KLHL1: variants seen among roughly 807,000 people sequenced by gnomAD.
KLHL1 encodes the protein kelch like family member 1.
KLHL1 carries 47 observed loss-of-function variants against 77.7 expected under a neutral mutation model. The ratio of observed to expected loss-of-function variants is 0.60; its 90% confidence interval spans 0.48 to 0.77. KLHL1 has a LOEUF of 0.77. Ranked by LOEUF, KLHL1 falls within the 30% of genes least tolerant of loss-of-function variation. The pLI is 0.00. For missense variants in KLHL1, 925 were observed against 910.8 expected (o/e 1.02, Z -0.20); for synonymous variants, 360 against 325.2 (o/e 1.11, Z -1.15).
intron 4 of KLHL1, among the ~76,000 whole-genome samples, chr13:69,918,134 G>T (rs1381541817): frequency 6.6e-6 from 1 of 151,890 alleles, no homozygotes; most frequent in Non-Finnish European, 1.5e-5. Context: ...AACCTAATAG[G>T]ACAAAAGCAG....
At chr13:70,018,629 C>T (rs1457974316) in intron 1 of KLHL1, among the ~76,000 whole-genome samples, 1 of 152,068 alleles carries the variant, frequency 6.6e-6, no homozygotes, top group Non-Finnish European at 1.5e-5. Context: ...GAAAAATACA[C>T]TTAGTGCAGT....
chr13:70,012,037 C>T (rs971296695), intron 1 of KLHL1, among the ~76,000 whole-genome samples: 1 of 152,040 alleles, frequency 6.6e-6, no homozygotes, highest in African/African-American at 2.4e-5. Flanking sequence ...ACCATCAGAT[C>T]TCATGAGACC....
At chr13:70,085,237 A>G (rs1887507013) in intron 1 of KLHL1, among the ~76,000 whole-genome samples, 1 of 152,156 alleles carries the variant, frequency 6.6e-6, no homozygotes. Flanking sequence ...GAGAGAGAGA[A>G]CGGGAAGTGA....
chr13:69,851,340 G>T (rs543714406), intron 5 of KLHL1, among the ~76,000 whole-genome samples: 62 of 151,878 alleles, frequency 4.1e-4, no homozygotes, highest in African/African-American at 1.4e-3. Context: ...GGGCAACACA[G>T]ACTATAGGAA....
intron 8 of KLHL1, 63 bp from the exon 9 acceptor site, chr13:69,719,644 G>A: frequency 7.6e-7 from 1 of 1,310,784 alleles, no homozygotes; most frequent in Non-Finnish European, 1.1e-6. Flanking sequence ...ATATAGAAAA[G>A]GTCCTTTAAA....
chr13:70,064,155 A>G (rs1886954200), intron 1 of KLHL1, among the ~76,000 whole-genome samples: 1 of 152,196 alleles, frequency 6.6e-6, no homozygotes, highest in Admixed American at 6.5e-5. Flanking sequence ...AACAGAATGA[A>G]CAAAGCAACA....
At chr13:69,957,847 C>A (rs186733971) in intron 3 of KLHL1, among the ~76,000 whole-genome samples, 42 of 151,888 alleles carry the variant, frequency 2.8e-4, no homozygotes, top group Middle Eastern at 3.4e-3. Context: ...ATTGCTTATA[C>A]TGCTAATTAA....
At chr13:69,959,883 C>T (rs1339691098) in intron 3 of KLHL1, among the ~76,000 whole-genome samples, 1 of 151,910 alleles carries the variant, frequency 6.6e-6, no homozygotes, top group East Asian at 1.9e-4. Context: ...TCCCTCTGAC[C>T]TTGGCACTTA....
intron 2 of KLHL1, among the ~76,000 whole-genome samples, chr13:69,971,063 T>C (rs940817709): frequency 3.3e-5 from 5 of 152,130 alleles, no homozygotes; most frequent in Non-Finnish European, 5.9e-5. Flanking sequence ...CAGTCTATTG[T>C]GGTTGTTAAA....
intron 9 of KLHL1, among the ~76,000 whole-genome samples, chr13:69,718,771 T>A (rs145788042): frequency 0.011 from 1,694 of 152,232 alleles, 23 homozygotes; most frequent in Non-Finnish European, 0.017. Flanking sequence ...GTCATCCCAC[T>A]CTAGCTTCTA....
At chr13:69,786,170 A>T in intron 7 of KLHL1, among the ~76,000 whole-genome samples, 1 of 152,060 alleles carries the variant, frequency 6.6e-6, no homozygotes, top group East Asian at 1.9e-4. Flanking sequence ...GGCCAGCATC[A>T]TCCTGATACC....
At chr13:70,059,772 G>C (rs1417733613) in intron 1 of KLHL1, among the ~76,000 whole-genome samples, 1 of 152,178 alleles carries the variant, frequency 6.6e-6, no homozygotes, top group African/African-American at 2.4e-5. Flanking sequence ...TAAAATCATG[G>C]CAGAAGGCAA....
chr13:69,854,310 G>C (rs1023711430), intron 5 of KLHL1, among the ~76,000 whole-genome samples: 5 of 152,074 alleles, frequency 3.3e-5, no homozygotes, highest in African/African-American at 7.2e-5. Context: ...AGGGGGGCCA[G>C]TGTGTGCGGA....
chr13:69,765,194 C>T (rs924669165), intron 7 of KLHL1, among the ~76,000 whole-genome samples: 8 of 151,804 alleles, frequency 5.3e-5, no homozygotes, highest in South Asian at 2.1e-4. Flanking sequence ...TCAGATGATC[C>T]GCCCTCCTCA....
At chr13:69,746,706 A>G (rs571062429) in intron 7 of KLHL1, among the ~76,000 whole-genome samples, 1 of 151,788 alleles carries the variant, frequency 6.6e-6, no homozygotes, top group Non-Finnish European at 1.5e-5. Context: ...TATTGTTGAG[A>G]GAACGCAAAT....
intron 9 of KLHL1, among the ~76,000 whole-genome samples, chr13:69,708,792 G>A (rs1216620886): frequency 6.6e-6 from 1 of 151,904 alleles, no homozygotes; most frequent in African/African-American, 2.4e-5. Context: ...AAAAAGGGTG[G>A]TAAGAACCCA....
chr13:70,046,876 C>T (rs1886512924), intron 1 of KLHL1, among the ~76,000 whole-genome samples: 1 of 152,162 alleles, frequency 6.6e-6, no homozygotes, highest in South Asian at 2.1e-4. Context: ...CTTCCTCTCT[C>T]CAAAGCATTA....
intron 6 of KLHL1, among the ~76,000 whole-genome samples, chr13:69,821,046 T>C (rs892097989): frequency 6.6e-6 from 1 of 152,260 alleles, no homozygotes; most frequent in East Asian, 1.9e-4. Flanking sequence ...GGTAAACAAA[T>C]AGGTGAAACC....
intron 1 of KLHL1, among the ~76,000 whole-genome samples, chr13:70,053,261 A>C (rs781587391): frequency 1.3e-5 from 2 of 152,158 alleles, no homozygotes; most frequent in Non-Finnish European, 2.9e-5. Context: ...TTTCCAGGAA[A>C]TATAACAGAT....
Sources: allele counts gnomAD v4.1 joint callset (sites outside exome capture counted in the v4.1 genomes callset), GRCh38; gene constraint gnomAD v4.1.1; transcripts MANE v1.5; gene names NCBI Gene and HGNC (gene_info 2026-07-23, HGNC 2026-07-21).